UNC79: variants seen among roughly 807,000 people sequenced by gnomAD.
UNC79 encodes the protein unc-79 subunit of NALCN channel complex.
In UNC79, 37 loss-of-function variants were observed where a neutral mutation model predicts 283.1. The ratio of observed to expected loss-of-function variants is 0.13; its 90% CI spans 0.10 to 0.17. UNC79 has a LOEUF of 0.17. Among genes scored for constraint, UNC79 ranks in the 10% least tolerant of loss-of-function variants. The probability of loss-of-function intolerance (pLI) is 1.00; values close to 1 mark genes in which losing one functional copy is unlikely to be tolerated. For missense variants in UNC79, 2,272 were observed against 3,211.1 expected (o/e 0.71, Z 7.07); for synonymous variants, 1,107 against 1,200.2 (o/e 0.92, Z 1.61).
intron 1 of UNC79, among the ~76,000 whole-genome samples, chr14:93,394,775 G>A (rs971472259): frequency 6.6e-6 from 1 of 152,212 alleles, no homozygotes; most frequent in Non-Finnish European, 1.5e-5. Context: ...ATAGTGGCAT[G>A]ATCATAGCTC....
intron 1 of UNC79, among the ~76,000 whole-genome samples, chr14:93,409,681 C>A (rs2055296894): frequency 6.6e-6 from 1 of 151,992 alleles, no homozygotes; most frequent in Non-Finnish European, 1.5e-5. Flanking sequence ...GAGCAAGACC[C>A]TGTCTGTAAA....
chr14:93,485,883 C>T (rs1268483600), intron 4 of UNC79, among the ~76,000 whole-genome samples: 1 of 152,126 alleles, frequency 6.6e-6, no homozygotes, highest in Non-Finnish European at 1.5e-5. Flanking sequence ...AGGCCACTGT[C>T]TACTTTGGTG....
intron 14 of UNC79, among the ~76,000 whole-genome samples, chr14:93,564,045 T>C (rs1041619015): frequency 6.6e-6 from 1 of 152,134 alleles, no homozygotes; most frequent in Middle Eastern, 3.2e-3. Flanking sequence ...CCTAAAACAG[T>C]AAGGTCAAGT....
chr14:93,660,244 T>C (rs2071394075), intron 39 of UNC79, among the ~76,000 whole-genome samples: 1 of 152,108 alleles, frequency 6.6e-6, no homozygotes, highest in Non-Finnish European at 1.5e-5. Context: ...AAAGAGATCA[T>C]TGGTTCAATC....
intron 30 of UNC79, among the ~76,000 whole-genome samples, chr14:93,629,220 C>T (rs546956583): frequency 6.6e-6 from 1 of 152,242 alleles, no homozygotes; most frequent in East Asian, 1.9e-4. Flanking sequence ...TATACACACA[C>T]ACAAATAGGC....
chr14:93,520,498 T>C (rs1260904371), intron 7 of UNC79, among the ~76,000 whole-genome samples: 1 of 151,926 alleles, frequency 6.6e-6, no homozygotes, highest in Non-Finnish European at 1.5e-5. Context: ...CCCCCTTTTA[T>C]TTCTTTTGTG....
intron 2 of UNC79, among the ~76,000 whole-genome samples, chr14:93,468,682 T>A (rs527268414): frequency 1.6e-4 from 25 of 152,234 alleles, no homozygotes; most frequent in Non-Finnish European, 2.8e-4. Context: ...AAAAGCTGAA[T>A]GCTTTGCGGA....
intron 47 of UNC79, among the ~76,000 whole-genome samples, chr14:93,702,194 G>A (rs1361912611): frequency 6.6e-6 from 1 of 152,192 alleles, no homozygotes; most frequent in Non-Finnish European, 1.5e-5. Context: ...AGAGGAGCCA[G>A]TCCTAGTAAG....
chr14:93,457,354 T>C (rs541929031), intron 1 of UNC79, among the ~76,000 whole-genome samples: 1 of 152,328 alleles, frequency 6.6e-6, no homozygotes, highest in Non-Finnish European at 1.5e-5. Context: ...GGAAGTCCCG[T>C]GTGCTATGAA....
At chr14:93,417,337 T>C (rs2055485417) in intron 1 of UNC79, among the ~76,000 whole-genome samples, 1 of 152,214 alleles carries the variant, frequency 6.6e-6, no homozygotes, top group Non-Finnish European at 1.5e-5. Context: ...TTTAAGAATG[T>C]TGAATATTGG....
At chr14:93,333,228 C>T (rs1263428600) in exon 1 of UNC79, 3 of 367,488 alleles carry the variant, frequency 8.2e-6, no homozygotes, top group East Asian at 3.9e-5. Flanking sequence ...TATTTTTGCT[C>T]GTCGGCTGGG....
chr14:93,446,394 G>GT (rs35270146), intron 1 of UNC79, among the ~76,000 whole-genome samples: 88,895 of 142,300 alleles, frequency 0.62, 28,274 homozygotes, highest in Middle Eastern at 0.75. Flanking sequence ...CATGTGTGTG[G>GT]TTTTTTTTTT....
rs369362472 is a variant in UNC79 at position 93,653,755 on chromosome 14, G to A, written c.6097G>A (p.Gly2033Ser). The change falls in exon 36 of 49, where the codon GGC (glycine) becomes AGC (serine). Residue 2033 changes from glycine (G) to serine (S), a missense_variant. Coordinates refer to ENST00000555664, the Ensembl canonical transcript of UNC79. ...GTTCAACTCCAGCATGATGGTTCCC[G>A]GCAATGCGGCGGGGGTGGCCAAGCA... 12 of 1,613,042 alleles carry A rather than the reference G, an allele frequency of 7.4e-6. No homozygotes were observed. Among genetic ancestry groups the A allele is most frequent in the Middle Eastern group, 1.7e-4 (1 of 6,034 alleles).
chr14:93,659,399 GCTAGGT>G, intron 39 of UNC79, 138 bp downstream of exon 42: 2 of 664,050 alleles, frequency 3.0e-6, no homozygotes, highest in Non-Finnish European at 5.0e-6. Flanking sequence ...TTTTCTTCAT[GCTAGGT>G]CAGTGCCTTG....
chr14:93,521,956 A>G (rs1328941493), intron 7 of UNC79, among the ~76,000 whole-genome samples: 1 of 151,472 alleles, frequency 6.6e-6, no homozygotes, highest in Non-Finnish European at 1.5e-5. Context: ...AAATCTTGAC[A>G]GTTGATTTTT....
At chr14:93,635,856 T>A (rs2068467095) in intron 31 of UNC79, among the ~76,000 whole-genome samples, 1 of 152,228 alleles carries the variant, frequency 6.6e-6, no homozygotes. Flanking sequence ...CCTCAGGAGT[T>A]CACTGGGTTT....
At chr14:93,558,693 A>T (rs1016133408) in intron 14 of UNC79, among the ~76,000 whole-genome samples, 1 of 133,668 alleles carries the variant, frequency 7.5e-6, no homozygotes, top group Non-Finnish European at 1.5e-5. Flanking sequence ...CTGGCTGGTA[A>T]GAAATTCTTA....
chr14:93,532,754 C>T (rs1377557722), intron 11 of UNC79, among the ~76,000 whole-genome samples, 176 bp downstream of exon 11: 1 of 152,156 alleles, frequency 6.6e-6, no homozygotes, highest in African/African-American at 2.4e-5. Context: ...CAAATGGTCT[C>T]TATTTCCATT....
At chr14:93,445,162 A>G (rs889570891) in intron 1 of UNC79, among the ~76,000 whole-genome samples, 6 of 152,188 alleles carry the variant, frequency 3.9e-5, no homozygotes, top group Non-Finnish European at 8.8e-5. Context: ...TACCCCTACC[A>G]CACTCATGTA....
Sources: gnomAD v4.1 joint callset for allele counts (sites outside exome capture counted in the v4.1 genomes callset) on GRCh38, gnomAD v4.1.1 for gene constraint, MANE v1.5 for transcripts, NCBI Gene and HGNC (gene_info 2026-07-23, HGNC 2026-07-21) for gene names.